AUTS2: variants seen among roughly 807,000 people sequenced by gnomAD.
AUTS2 encodes autism susceptibility gene 2 protein.
In AUTS2, 17 loss-of-function variants were observed where a neutral mutation model predicts 112.4. The ratio of observed to expected loss-of-function variants is 0.15; its 90% CI spans 0.10 to 0.23. The LOEUF (loss-of-function observed/expected upper bound fraction) is 0.23. Among genes scored for constraint, AUTS2 ranks in the 10% least tolerant of loss-of-function variants. The pLI, the probability that AUTS2 is intolerant of heterozygous loss-of-function variation, is 1.00. For missense variants in AUTS2, 1,510 were observed against 1,701.6 expected (o/e 0.89, Z 1.98); for synonymous variants, 751 against 702.7 (o/e 1.07, Z -1.09).
At chr7:70,048,611 T>A (rs1031152765) in intron 2 of AUTS2, among the ~76,000 whole-genome samples, 4 of 152,232 alleles carry the variant, frequency 2.6e-5, no homozygotes, top group Admixed American at 6.5e-5. Context: ...TTCATTTGTG[T>A]GTGAGCTGCA....
intron 4 of AUTS2, among the ~76,000 whole-genome samples, chr7:70,399,747 G>T (rs559611245): frequency 3.2e-4 from 47 of 145,152 alleles, no homozygotes; most frequent in African/African-American, 1.2e-3. Context: ...GCACAACTGG[G>T]TAAAAAAATA....
At chr7:70,080,647 G>C (rs1262101969) in intron 2 of AUTS2, among the ~76,000 whole-genome samples, 1 of 152,196 alleles carries the variant, frequency 6.6e-6, no homozygotes, top group African/African-American at 2.4e-5. Flanking sequence ...TGGTTGTTAA[G>C]TATTACCAAC....
intron 6 of AUTS2, chr7:70,699,040 C>T (rs117031755): frequency 6.5e-6 from 1 of 154,486 alleles, no homozygotes; most frequent in Non-Finnish European, 1.4e-5. Context: ...ATAAACCAAG[C>T]CTTACTCTGC....
At chr7:70,456,413 G>A (rs566174829) in intron 5 of AUTS2, among the ~76,000 whole-genome samples, 4 of 152,342 alleles carry the variant, frequency 2.6e-5, no homozygotes, top group East Asian at 3.9e-4. Flanking sequence ...CTCTTAATGC[G>A]AGTGTCATGT....
At chr7:70,054,123 A>T (rs1323106522) in intron 2 of AUTS2, among the ~76,000 whole-genome samples, 5 of 152,134 alleles carry the variant, frequency 3.3e-5, no homozygotes, top group African/African-American at 9.7e-5. Flanking sequence ...TATGCATTTG[A>T]TATGTGGCTA....
At chr7:70,124,542 G>A (rs920486094) in intron 3 of AUTS2, among the ~76,000 whole-genome samples, 1 of 151,896 alleles carries the variant, frequency 6.6e-6, no homozygotes, top group Non-Finnish European at 1.5e-5. Flanking sequence ...ATGGTGTAAG[G>A]AAGGGGTCCA....
intron 1 of AUTS2, among the ~76,000 whole-genome samples, chr7:69,789,157 C>G (rs1385884005): frequency 3.9e-5 from 6 of 152,128 alleles, no homozygotes; most frequent in African/African-American, 1.4e-4. Context: ...GCATTTAAGG[C>G]CACTTTGACA....
chr7:69,646,124 G>T (rs1795010863), intron 1 of AUTS2, among the ~76,000 whole-genome samples: 1 of 152,098 alleles, frequency 6.6e-6, no homozygotes, highest in African/African-American at 2.4e-5. Flanking sequence ...GGAGGAGGGG[G>T]TAGGGAAAGG....
chr7:70,301,703 A>G (rs1473644156), intron 4 of AUTS2, among the ~76,000 whole-genome samples: 1 of 147,708 alleles, frequency 6.8e-6, no homozygotes, highest in Non-Finnish European at 1.5e-5. Context: ...AATGGATGCT[A>G]TTTAAACACA....
At chr7:70,632,542 C>A (rs1424455492) in intron 5 of AUTS2, among the ~76,000 whole-genome samples, 2 of 151,780 alleles carry the variant, frequency 1.3e-5, no homozygotes, top group Non-Finnish European at 2.9e-5. Flanking sequence ...AGATGCCCCC[C>A]GTTGAGCCAC....
At chr7:69,915,303 G>GA (rs1434441539) in intron 2 of AUTS2, among the ~76,000 whole-genome samples, 12 of 152,096 alleles carry the variant, frequency 7.9e-5, no homozygotes, top group Non-Finnish European at 1.8e-4. Context: ...TTATTCTACC[G>GA]AAAGCATCGG....
intron 4 of AUTS2, among the ~76,000 whole-genome samples, chr7:70,273,217 A>G (rs1787774910): frequency 6.6e-6 from 1 of 151,926 alleles, no homozygotes; most frequent in African/African-American, 2.4e-5. Context: ...CTAATTTTAT[A>G]TGTTTTTGTA....
chr7:70,554,814 G>A (rs1801180503), intron 5 of AUTS2, among the ~76,000 whole-genome samples: 1 of 152,184 alleles, frequency 6.6e-6, no homozygotes, highest in Admixed American at 6.5e-5. Context: ...CCCACCCACT[G>A]AAGGTCTCCA....
At chr7:70,011,985 T>C (rs1204972470) in intron 2 of AUTS2, among the ~76,000 whole-genome samples, 1 of 152,058 alleles carries the variant, frequency 6.6e-6, no homozygotes, top group African/African-American at 2.4e-5. Flanking sequence ...CACTGTGAGG[T>C]GGGACAGGCC....
Position 70,790,702 on chromosome 7 carries a change from C to G in AUTS2, c.3486C>G (p.Tyr1162Ter). 1 of 1,613,638 alleles carries G rather than the reference C, an allele frequency of 6.2e-7. No homozygotes were observed. Among genetic ancestry groups the G allele is most frequent in the Non-Finnish European group, 8.5e-7 (1 of 1,179,966 alleles). The change falls in exon 19 of 19, where the codon TAC becomes TAG. Residue 1162 changes from tyrosine (Y) to a stop codon, truncating the protein, a stop_gained. Transcript: ENST00000342771. LOFTEE classifies it high-confidence loss of function. The surrounding 1 kb of genome is among the most constrained non-coding windows in gnomAD (Gnocchi z 7.6). The part of the protein sequence containing the change: ...RERLHMLRED[Y>*]EHTRLHSVHP... Reference sequence around the variant, plus strand: ...GCTTGCACATGCTCAGAGAAGACTACGAGCACACGCGGCTCCACTCCGTGC... The same window carrying G: ...GCTTGCACATGCTCAGAGAAGACTAGGAGCACACGCGGCTCCACTCCGTGC...
intron 1 of AUTS2, among the ~76,000 whole-genome samples, chr7:69,784,185 A>G (rs753167139): frequency 3.4e-4 from 51 of 152,222 alleles, no homozygotes; most frequent in Non-Finnish European, 8.8e-5. Flanking sequence ...TATTGCAGAA[A>G]AGATTACAGG....
At chr7:69,939,516 G>T (rs1441292290) in intron 2 of AUTS2, among the ~76,000 whole-genome samples, 1 of 152,092 alleles carries the variant, frequency 6.6e-6, no homozygotes, top group Non-Finnish European at 1.5e-5. Context: ...GATACCTTTT[G>T]CTTTCATGAA....
At chr7:70,684,642 G>GC (rs1563126292) in intron 5 of AUTS2, among the ~76,000 whole-genome samples, 52 of 151,414 alleles carry the variant, frequency 3.4e-4, no homozygotes, top group African/African-American at 1.2e-3. Context: ...GTATGGTGTG[G>GC]GGTGGTGTGG....
intron 2 of AUTS2, among the ~76,000 whole-genome samples, chr7:70,112,816 C>A (rs1388990896): frequency 6.6e-6 from 1 of 151,706 alleles, no homozygotes; most frequent in Non-Finnish European, 1.5e-5. Flanking sequence ...TCTGTCTTAC[C>A]CAACACAAAC....
Sources: allele counts gnomAD v4.1 joint callset (sites outside exome capture counted in the v4.1 genomes callset), GRCh38; gene constraint gnomAD v4.1.1; non-coding constraint Gnocchi (gnomAD v3.1); transcripts MANE v1.5; gene names NCBI Gene and HGNC (gene_info 2026-07-23, HGNC 2026-07-21).